The following GSAP variants were observed in gnomAD, a reference collection of about 807,000 sequenced individuals.
GSAP encodes the protein gamma-secretase activating protein, also known as gamma-secretase-activating protein.
In GSAP, 118 loss-of-function variants were observed where a neutral mutation model predicts 131.7. That is an observed-to-expected ratio of 0.90 (90% CI 0.77 to 1.04). The LOEUF is 1.04. Ranked by LOEUF, GSAP falls within the 50% of genes least tolerant of loss-of-function variation. The pLI is 0.00. For missense variants in GSAP, 1,019 were observed against 1,013.2 expected (o/e 1.01, Z -0.08); for synonymous variants, 381 against 363.4 (o/e 1.05, Z -0.55).
intron 19 of GSAP, among the ~76,000 whole-genome samples, chr7:77,331,343 A>G (rs982661844): frequency 2.6e-5 from 4 of 152,194 alleles, no homozygotes; most frequent in African/African-American, 9.7e-5. Context: ...GTGTTGAAGG[A>G]TATTCTGACA....
chr7:77,359,924 GA>G (rs1781805067), intron 14 of GSAP, among the ~76,000 whole-genome samples: 1 of 152,158 alleles, frequency 6.6e-6, no homozygotes, highest in Admixed American at 6.5e-5. Context: ...GGAAGCAGTA[GA>G]ACCAGGCTTC....
chr7:77,371,431 CTTTTT>C (rs71085450), intron 12 of GSAP, among the ~76,000 whole-genome samples: 5 of 143,034 alleles, frequency 3.5e-5, no homozygotes, highest in African/African-American at 1.0e-4. Context: ...CATCTTTTTT[CTTTTT>C]TTTTTTTTTT....
intron 3 of GSAP, among the ~76,000 whole-genome samples, chr7:77,398,128 C>G (rs944891031): frequency 6.6e-6 from 1 of 152,150 alleles, no homozygotes; most frequent in African/African-American, 2.4e-5. Flanking sequence ...TAGGCAGGCT[C>G]TCTTAAAGAA....
chr7:77,414,844 CTTTTTTTTTTTTTTTTTTTTTTT>C (rs57095326), intron 1 of GSAP, among the ~76,000 whole-genome samples: 2 of 59,858 alleles, frequency 3.3e-5, no homozygotes, highest in African/African-American at 7.4e-5. Context: ...ATGTGGGCGA[CTTTTTTTTTTTTTTTTTTTTTTT>C]TTTTTTTTGA....
At chr7:77,363,715 C>A (rs1794859753) in intron 12 of GSAP, among the ~76,000 whole-genome samples, 1 of 152,112 alleles carries the variant, frequency 6.6e-6, no homozygotes, top group African/African-American at 2.4e-5. Flanking sequence ...GTATTGTCAG[C>A]AGTACATTTT....
chr7:77,374,485 C>T (rs6958013), intron 11 of GSAP, among the ~76,000 whole-genome samples: 4,092 of 152,080 alleles, frequency 0.027, 177 homozygotes, highest in African/African-American at 0.089. Context: ...AAATACTTAA[C>T]GGTTCAGGAT....
chr7:77,312,265 A>G (rs1664272909), intron 28 of GSAP, 63 bp from the exon 29 acceptor site: 3 of 738,240 alleles, frequency 4.1e-6, no homozygotes, highest in Non-Finnish European at 6.8e-6. Context: ...AACACACCTT[A>G]TATCTATTCA....
chr7:77,374,069 C>T lies in GSAP; in HGVS notation c.871+1G>A. On this transcript the variant is annotated splice_donor_variant, in intron 12 of 30. Coordinates refer to ENST00000257626, the MANE Select transcript of GSAP (RefSeq NM_017439.4). LOFTEE classifies it high-confidence loss of function. ...AATTGATAAATACAACCCTAGTTTACCTGTATGGTTGGTAAAAACACACAG... is the reference window on the plus strand; with the variant it reads ...AATTGATAAATACAACCCTAGTTTATCTGTATGGTTGGTAAAAACACACAG... The T allele has an allele frequency of 2.0e-6, 3 of 1,492,004 alleles. No individual in the cohort carries two copies. Among genetic ancestry groups the T allele is most frequent in the Non-Finnish European group, 2.8e-6 (3 of 1,075,056 alleles). The allele number at this position is 1,492,004 out of a possible 1,614,324, so 92.4% of individuals were successfully genotyped here. A position where few individuals can be genotyped will look rare whatever the true frequency, so the allele number is the denominator to read the frequency against.
chr7:77,333,844 G>C lies in GSAP; in HGVS notation c.1546-3477C>G, dbSNP rs183637671. On this transcript the variant is annotated intron_variant, in intron 19 of 30. Transcript: ENST00000257626. ...GGGGAGGGGAGGGGAAGGGAGAGTTGAATCTGCACAATCCCAAGAGCCAAG... is the reference window on the plus strand; with the variant it reads ...GGGGAGGGGAGGGGAAGGGAGAGTTCAATCTGCACAATCCCAAGAGCCAAG... Among the ~76,000 whole-genome samples the C allele has an allele frequency of 2.0e-5, 3 of 152,218 alleles. No individual in the cohort carries two copies. The East Asian group carries it at 5.8e-4, about 29-fold the overall frequency.
intron 1 of GSAP, 39 bp downstream of exon 1, chr7:77,416,174 T>TCCCCCCCCCCCCCCCCCTC: frequency 9.0e-7 from 1 of 1,113,448 alleles, no homozygotes; most frequent in Non-Finnish European, 1.2e-6. Flanking sequence ...GGACTCCCAC[T>TCCCCCCCCCCCCCCCCCTC]CCCCGCCCCC....
chr7:77,396,394 G>A (rs1800397264), intron 5 of GSAP, among the ~76,000 whole-genome samples: 1 of 152,128 alleles, frequency 6.6e-6, no homozygotes, highest in African/African-American at 2.4e-5. Flanking sequence ...CATGAGGGTA[G>A]ATGCCTATAC....
At chr7:77,401,856 G>T (rs1281817997) in intron 3 of GSAP, among the ~76,000 whole-genome samples, 2 of 152,132 alleles carry the variant, frequency 1.3e-5, no homozygotes, top group South Asian at 4.1e-4. Flanking sequence ...CACTTCATTC[G>T]AACTGGTAAA....
chr7:77,415,724 G>T, intron 1 of GSAP: 1 of 153,022 alleles, frequency 6.5e-6, no homozygotes, highest in Non-Finnish European at 1.5e-5. Context: ...TCTCGCAAAT[G>T]TGGGGACAAA....
In GSAP at chr7:77,355,787, G is replaced by GTTTTTTTTTTTTT. The variant is rs11353263; in HGVS notation, c.1028-153_1028-141dup. 3.9e-4 allele frequency: 114 copies of GTTTTTTTTTTTTT among 294,538 alleles called. 4 individuals are homozygous for GTTTTTTTTTTTTT. The highest frequency in any genetic ancestry group is 7.6e-4 in the South Asian group (23 of 30,268). The allele number at this position is 294,538 out of a possible 1,614,324, so 18.2% of individuals were successfully genotyped here. On this transcript the variant is annotated intron_variant, in intron 14 of 30. Coordinates refer to ENST00000257626, the MANE Select transcript of GSAP (RefSeq NM_017439.4). ...GTAATAAGCTATCTAATGACAGCCC[G>GTTTTTTTTTTTTT]TTTTTTTTTTTTTTTTTTTAAGACA...
At chr7:77,390,813 G>C (rs2151092286) in intron 5 of GSAP, among the ~76,000 whole-genome samples, 1 of 151,436 alleles carries the variant, frequency 6.6e-6, no homozygotes, top group South Asian at 2.1e-4. Flanking sequence ...GCTGGGCATG[G>C]TGGCACACGC....
intron 5 of GSAP, among the ~76,000 whole-genome samples, chr7:77,390,921 C>A (rs1441736127): frequency 7.8e-6 from 1 of 128,446 alleles, no homozygotes; most frequent in Non-Finnish European, 1.6e-5. Context: ...TGCACTCCAG[C>A]CTGGTGACAG....
chr7:77,355,526 C>T (rs1343445051), intron 15 of GSAP, 29 bp downstream of exon 15: 1 of 1,551,516 alleles, frequency 6.4e-7, no homozygotes, highest in Non-Finnish European at 8.9e-7. Context: ...AAATGGGCCA[C>T]CTCTACAAGA....
At chr7:77,362,063 A>G (rs1794599072) in intron 13 of GSAP, among the ~76,000 whole-genome samples, 1 of 152,246 alleles carries the variant, frequency 6.6e-6, no homozygotes, top group Non-Finnish European at 1.5e-5. Context: ...TATATAGGCC[A>G]GGATAAAAAT....
intron 18 of GSAP, among the ~76,000 whole-genome samples, chr7:77,350,724 C>T (rs1186875113): frequency 6.6e-6 from 1 of 151,998 alleles, no homozygotes; most frequent in Non-Finnish European, 1.5e-5. Context: ...GACTGGACGA[C>T]AGAGCAAGAC....
Sources: gnomAD v4.1 joint callset for allele counts (sites outside exome capture counted in the v4.1 genomes callset) on GRCh38, gnomAD v4.1.1 for gene constraint, MANE v1.5 for transcripts, NCBI Gene and HGNC (gene_info 2026-07-23, HGNC 2026-07-21) for gene names.